Variants in CENPP observed in about 807,000 individuals in gnomAD.
CENPP encodes the protein centromere protein P.
In CENPP, 24 loss-of-function variants were observed where a neutral mutation model predicts 35.6. The ratio of observed to expected loss-of-function variants is 0.67; its 90% CI spans 0.49 to 0.95. The LOEUF (loss-of-function observed/expected upper bound fraction) is 0.95. Among genes scored for constraint, CENPP ranks in the 40% least tolerant of loss-of-function variants. CENPP has a pLI of 0.00. For missense variants in CENPP, 332 were observed against 345.3 expected (o/e 0.96, Z 0.31); for synonymous variants, 120 against 125.5 (o/e 0.96, Z 0.29).
intron 5 of CENPP, among the ~76,000 whole-genome samples, chr9:92,454,514 A>G (rs962851825): frequency 6.6e-6 from 1 of 152,158 alleles, no homozygotes; most frequent in Non-Finnish European, 1.5e-5. Flanking sequence ...TGATATCACA[A>G]TTTTTTGTTA....
chr9:92,326,008 G>C lies in CENPP; in HGVS notation c.10G>C (p.Glu4Gln). 2 of 1,552,314 alleles carry C rather than the reference G, an allele frequency of 1.3e-6. No homozygotes were observed. The highest frequency in any genetic ancestry group is 1.7e-6 in the Non-Finnish European group (2 of 1,148,164). Residue 4 changes from glutamate to glutamine, a missense_variant, in exon 1 of 8, where the codon GAG becomes CAG. Coordinates refer to ENST00000375587, the MANE Select transcript of CENPP (RefSeq NM_001012267.3). ...CGGTCAGCAACGCGCCATGGACGCAGAGCTGGCAGAGGTGCGCGCCTTGCA... is the reference window on the plus strand; with the variant it reads ...CGGTCAGCAACGCGCCATGGACGCACAGCTGGCAGAGGTGCGCGCCTTGCA... MDAELAEVRALQAE... is the reference protein window; with the variant it reads MDAQLAEVRALQAE...
chr9:92,574,322 C>G (rs1850226649), intron 5 of CENPP, among the ~76,000 whole-genome samples: 1 of 151,880 alleles, frequency 6.6e-6, no homozygotes. Flanking sequence ...GGATTCTACC[C>G]CCAAAAACCT....
intron 5 of CENPP, among the ~76,000 whole-genome samples, chr9:92,558,595 T>C (rs1420274004): frequency 2.0e-5 from 3 of 152,146 alleles, no homozygotes; most frequent in Non-Finnish European, 4.4e-5. Flanking sequence ...GATTTAATTA[T>C]CTATTTTTGT....
intron 5 of CENPP, among the ~76,000 whole-genome samples, chr9:92,577,517 C>T (rs1266042111): frequency 1.3e-5 from 2 of 151,998 alleles, no homozygotes; most frequent in African/African-American, 2.4e-5. Flanking sequence ...AAATACTGAG[C>T]AATATAAGTC....
chr9:92,401,885 T>G (rs1843128478), intron 5 of CENPP, among the ~76,000 whole-genome samples: 1 of 152,182 alleles, frequency 6.6e-6, no homozygotes, highest in Non-Finnish European at 1.5e-5. Context: ...CTGTCCTTTG[T>G]AAGCATGTTC....
chr9:92,470,854 T>C, intron 5 of CENPP: 2 of 929,932 alleles, frequency 2.2e-6, no homozygotes, highest in Non-Finnish European at 3.3e-6. Context: ...GGTAGAAATA[T>C]ACATTTTTTA....
chr9:92,493,994 C>T, intron 5 of CENPP: 1 of 1,353,350 alleles, frequency 7.4e-7, no homozygotes, highest in Non-Finnish European at 1.0e-6. Context: ...GCCCTCAGGC[C>T]CCAGTGTGCT....
At chr9:92,494,170 A>AAATG (rs748616513) in intron 5 of CENPP, 32 of 1,595,264 alleles carry the variant, frequency 2.0e-5, no homozygotes, top group Non-Finnish European at 2.5e-5. Flanking sequence ...TCAGAGTAAG[A>AAATG]AATGAATGAA....
chr9:92,427,842 C>A (rs1227984208), intron 5 of CENPP, among the ~76,000 whole-genome samples: 1 of 152,126 alleles, frequency 6.6e-6, no homozygotes, highest in Non-Finnish European at 1.5e-5. Flanking sequence ...ATATTTAGAA[C>A]TAAATATGGT....
intron 5 of CENPP, chr9:92,424,362 C>T (rs1843903553): frequency 6.6e-6 from 1 of 152,112 alleles, no homozygotes; most frequent in African/African-American, 2.4e-5. Flanking sequence ...TAAGCAAATA[C>T]AATCTTCTTG....
At chr9:92,496,328 T>G (rs1846341107) in intron 5 of CENPP, 17 of 1,581,652 alleles carry the variant, frequency 1.1e-5, no homozygotes, top group Non-Finnish European at 1.4e-5. Context: ...CTTGATGTTT[T>G]GTGGTTTAAG....
At chr9:92,506,388 T>C (rs1344122575) in intron 5 of CENPP, among the ~76,000 whole-genome samples, 1 of 152,108 alleles carries the variant, frequency 6.6e-6, no homozygotes, top group African/African-American at 2.4e-5. Flanking sequence ...CAAACAAATT[T>C]TTTCTACTTT....
rs1353653280 is a variant in CENPP at position 92,457,624 on chromosome 9, A to T, written c.564+77765A>T. Reference sequence around the variant, plus strand: ...TTGAATGTATTTTCAGGTAAAGTAGATGTACTCACTTATGCATGTTAAATA... The same window carrying T: ...TTGAATGTATTTTCAGGTAAAGTAGTTGTACTCACTTATGCATGTTAAATA... On this transcript the variant is annotated intron_variant, in intron 5 of 7. Coordinates refer to ENST00000375587, the MANE Select transcript of CENPP (RefSeq NM_001012267.3). 3 of 664,492 alleles carry T rather than the reference A, an allele frequency of 4.5e-6. No homozygotes were observed. In the Admixed American group the frequency reaches 8.4e-5, roughly 19 times the overall value. The allele number at this position is 664,492 out of a possible 1,614,324, so 41.2% of individuals were successfully genotyped here.
intron 5 of CENPP, chr9:92,502,422 C>T: frequency 6.8e-7 from 1 of 1,481,228 alleles, no homozygotes; most frequent in Non-Finnish European, 9.3e-7. Flanking sequence ...TCACCTCCCT[C>T]ACTTATCCCA....
chr9:92,455,985 C>T (rs1034668728), intron 5 of CENPP, among the ~76,000 whole-genome samples: 6 of 152,128 alleles, frequency 3.9e-5, no homozygotes, highest in Non-Finnish European at 7.3e-5. Flanking sequence ...GCAGGAGAAT[C>T]GCTTGAACCC....
intron 5 of CENPP, among the ~76,000 whole-genome samples, chr9:92,496,967 A>G (rs1334145783): frequency 1.3e-5 from 2 of 151,846 alleles, no homozygotes; most frequent in East Asian, 3.9e-4. Context: ...CCAGAAGCTC[A>G]TTAACATATT....
chr9:92,332,371 C>T lies in CENPP; in HGVS notation c.289+20C>T. The stretch of plus-strand genomic sequence containing the variant: ...AAAAGAGTAAGCATTTTTTTTAAAT[C>T]TAGACATAGTATGGAAGCTTACCTT... On this transcript the variant is annotated intron_variant, in intron 2 of 7. Transcript: ENST00000375587. 1.3e-6 allele frequency: 2 copies of T among 1,516,062 alleles called. No individual in the cohort carries two copies. The highest frequency in any genetic ancestry group is 1.8e-6 in the Non-Finnish European group (2 of 1,124,714). 93.9% of individuals were successfully genotyped at this position (1,516,062 alleles called of 1,614,324 possible).
intron 5 of CENPP, chr9:92,414,912 C>T (rs1157174686): frequency 3.4e-5 from 11 of 320,632 alleles, no homozygotes; most frequent in East Asian, 3.4e-4. Flanking sequence ...AAACCATTAA[C>T]GTTTAATTTA....
At chr9:92,329,516 T>TTTTTTC (rs561946463) in intron 1 of CENPP, among the ~76,000 whole-genome samples, 2 of 152,092 alleles carry the variant, frequency 1.3e-5, no homozygotes, top group Non-Finnish European at 2.9e-5. Context: ...GTCTCTGTTC[T>TTTTTTC]TTTTTCTTTT....
Sources: gnomAD v4.1 joint callset for allele counts (sites outside exome capture counted in the v4.1 genomes callset) on GRCh38, gnomAD v4.1.1 for gene constraint, MANE v1.5 for transcripts, NCBI Gene and HGNC (gene_info 2026-07-23, HGNC 2026-07-21) for gene names.